MED12L: variants seen among roughly 807,000 people sequenced by gnomAD.
MED12L encodes the protein mediator of RNA polymerase II transcription subunit 12-like protein.
In MED12L, 60 loss-of-function variants were observed where a neutral mutation model predicts 281.3. The ratio of observed to expected loss-of-function variants is 0.21; its 90% CI spans 0.17 to 0.26. The LOEUF is 0.26. MED12L is among the 10% of genes least tolerant of loss of function. MED12L has a pLI of 1.00. For missense variants in MED12L, 2,146 were observed against 2,680.9 expected, an observed-to-expected ratio of 0.80 and a Z score of 4.41; for synonymous variants, 974 against 987.2, an observed-to-expected ratio of 0.99 and a Z score of 0.25.
intron 16 of MED12L, among the ~76,000 whole-genome samples, chr3:151,214,574 C>T (rs1197392872): frequency 6.6e-6 from 1 of 150,504 alleles, no homozygotes; most frequent in Admixed American, 6.6e-5. Context: ...CACCAACCCC[C>T]ACTCCTTTCT....
chr3:151,375,585 A>T (rs1035804108), intron 27 of MED12L, among the ~76,000 whole-genome samples: 6 of 152,196 alleles, frequency 3.9e-5, no homozygotes, highest in African/African-American at 7.2e-5. Context: ...AATAGTATCA[A>T]AAAGGAAGAT....
chr3:151,361,006 A>G (rs1754536288), intron 21 of MED12L, among the ~76,000 whole-genome samples: 1 of 152,096 alleles, frequency 6.6e-6, no homozygotes, highest in African/African-American at 2.4e-5. Context: ...AATTTGGATT[A>G]TAAATCTAAT....
intron 17 of MED12L, among the ~76,000 whole-genome samples, chr3:151,350,535 A>G (rs1423451944): frequency 6.6e-6 from 1 of 152,172 alleles, no homozygotes; most frequent in African/African-American, 2.4e-5. Flanking sequence ...GTACTGAAGA[A>G]TGAGTTGAAA....
At chr3:151,242,126 C>T (rs1396558445) in intron 16 of MED12L, among the ~76,000 whole-genome samples, 2 of 152,172 alleles carry the variant, frequency 1.3e-5, no homozygotes, top group African/African-American at 2.4e-5. Flanking sequence ...GGGTCCTACG[C>T]CCATGGAGTC....
chr3:151,118,632 C>A (rs188432413), intron 3 of MED12L, among the ~76,000 whole-genome samples: 11 of 149,994 alleles, frequency 7.3e-5, no homozygotes, highest in Non-Finnish European at 1.3e-4. Context: ...ACCATTGTCA[C>A]TATCCATCTC....
chr3:151,194,817 T>G (rs1724428383), intron 16 of MED12L, among the ~76,000 whole-genome samples: 1 of 152,224 alleles, frequency 6.6e-6, no homozygotes, highest in South Asian at 2.1e-4. Context: ...ATTTTTATTT[T>G]AAGTACAATT....
chr3:151,163,822 TTTTA>T, intron 8 of MED12L, 67 bp from the exon 9 acceptor site: 16 of 1,400,266 alleles, frequency 1.1e-5, no homozygotes, highest in Middle Eastern at 2.2e-4. Context: ...AGGGTGTCGT[TTTTA>T]CTGTTTAGCT....
At chr3:151,106,233 C>CT (rs1230664120) in intron 2 of MED12L, among the ~76,000 whole-genome samples, 73 of 139,452 alleles carry the variant, frequency 5.2e-4, no homozygotes, top group Non-Finnish European at 9.3e-4. Context: ...TCCTTCCTTC[C>CT]TTCCTTTCCT....
chr3:151,252,381 C>T (rs978174006), intron 16 of MED12L, among the ~76,000 whole-genome samples: 17 of 152,096 alleles, frequency 1.1e-4, no homozygotes, highest in African/African-American at 4.1e-4. Flanking sequence ...TCTGATTTTT[C>T]ATAGAAAATA....
At chr3:151,116,606 A>T (rs1712851501) in intron 3 of MED12L, among the ~76,000 whole-genome samples, 164 bp downstream of exon 3, 1 of 152,216 alleles carries the variant, frequency 6.6e-6, no homozygotes, top group Non-Finnish European at 1.5e-5. Context: ...ATCAGGGATC[A>T]TACATTGCAT....
At chr3:151,248,736 G>T (rs1036421077) in intron 16 of MED12L, 1 of 152,050 alleles carries the variant, frequency 6.6e-6, no homozygotes, top group African/African-American at 2.4e-5. Context: ...GTCTTGCATA[G>T]CCTATAACTC....
intron 4 of MED12L, among the ~76,000 whole-genome samples, chr3:151,125,373 A>G (rs1025966902): frequency 1.3e-5 from 2 of 152,186 alleles, no homozygotes; most frequent in Admixed American, 1.3e-4. Context: ...AGTGAGGTAG[A>G]GGTTTGCATT....
At chr3:151,320,947 C>T (rs905367562) in intron 16 of MED12L, among the ~76,000 whole-genome samples, 4 of 152,146 alleles carry the variant, frequency 2.6e-5, no homozygotes, top group African/African-American at 9.7e-5. Context: ...GGTTGTAAAG[C>T]TTAAATGAGG....
rs757512592 is a variant in MED12L, at chr3:151,377,002, T to C, written c.4140T>C (p.Ser1380=). The change falls in exon 30 of 45, where the codon TCT becomes TCC. Residue 1380 remains serine (S), a synonymous_variant. Coordinates refer to ENST00000687756, the MANE Select transcript of MED12L (RefSeq NM_001393769.1). The part of the protein sequence containing the change: ...KQCLKDPGSG[S]VAEMNNLLDN... ...ATATCTAACTCTAGGGCTCTGGTTC[T>C]GTGGCCGAAATGAACAACTTACTGG... The C allele has an allele frequency of 6.2e-7, 1 of 1,613,870 alleles. No homozygotes were observed. Among genetic ancestry groups the C allele is most frequent in the Admixed American group, 1.7e-5 (1 of 60,010 alleles).
intron 2 of MED12L, among the ~76,000 whole-genome samples, chr3:151,109,292 C>T (rs922551889): frequency 1.3e-5 from 2 of 152,160 alleles, no homozygotes; most frequent in Non-Finnish European, 2.9e-5. Context: ...CCTGACCTCT[C>T]GGGATCTGCC....
chr3:151,319,218 A>C (rs928621584), intron 16 of MED12L, among the ~76,000 whole-genome samples: 1 of 152,212 alleles, frequency 6.6e-6, no homozygotes, highest in African/African-American at 2.4e-5. Context: ...AGAGCAGCTA[A>C]CAGCCAGCCC....
At chr3:151,400,135 C>G (rs1715492398) in intron 39 of MED12L, among the ~76,000 whole-genome samples, 1 of 152,160 alleles carries the variant, frequency 6.6e-6, no homozygotes, top group African/African-American at 2.4e-5. Context: ...CCTTAAGGAA[C>G]TTTCATACCC....
At chr3:151,362,684 C>T (rs534167869) in intron 21 of MED12L, among the ~76,000 whole-genome samples, 2 of 151,992 alleles carry the variant, frequency 1.3e-5, no homozygotes, top group African/African-American at 4.8e-5. Context: ...ATCCCAGTGT[C>T]TTGAAGAGTA....
intron 16 of MED12L, chr3:151,213,604 A>T: frequency 6.2e-7 from 1 of 1,614,192 alleles, no homozygotes; most frequent in Non-Finnish European, 8.5e-7. Flanking sequence ...CACAAACACG[A>T]TGCTGAATAT....
Sources: gnomAD v4.1 joint callset for allele counts (sites outside exome capture counted in the v4.1 genomes callset) on GRCh38, gnomAD v4.1.1 for gene constraint, MANE v1.5 for transcripts, NCBI Gene and HGNC (gene_info 2026-07-23, HGNC 2026-07-21) for gene names.